ACBD6: variants seen among roughly 807,000 people sequenced by gnomAD.
ACBD6 encodes the protein acyl-CoA-binding domain-containing protein 6.
ACBD6 carries 28 observed loss-of-function variants against 37.2 expected under a neutral mutation model. That is an observed-to-expected ratio of 0.75 (90% CI 0.56 to 1.03). The LOEUF is 1.03. ACBD6 is among the 50% of genes least tolerant of loss of function. The pLI is 0.00. For synonymous variants in ACBD6, 113 were observed against 126.8 expected (o/e 0.89, Z 0.73); for missense variants, 340 against 337.4 (o/e 1.01, Z -0.06).
chr1:180,441,052 T>A (rs1215162790), intron 3 of ACBD6, among the ~76,000 whole-genome samples: 1 of 152,186 alleles, frequency 6.6e-6, no homozygotes, highest in Non-Finnish European at 1.5e-5. Context: ...ACCCAGCAAT[T>A]CCACTCCTGT....
exon 14 of ACBD6, chr1:180,271,601 G>C: frequency 1.3e-6 from 2 of 1,585,326 alleles, no homozygotes; most frequent in Non-Finnish European, 1.7e-6. Context: ...AAGGTATCCT[G>C]AGTGACATCA....
At position 180,382,925 on chromosome 1, in the gene ACBD6, A is replaced by C. The variant is rs531420464; in HGVS notation, c.663+14591T>G. ...ATTAATAAATGTGATACATCACATCAATAAAATGAAGGACAAAAACCATAC... is the reference window on the plus strand; with the variant it reads ...ATTAATAAATGTGATACATCACATCCATAAAATGAAGGACAAAAACCATAC... On this transcript the variant is annotated intron_variant, in intron 6 of 7. Coordinates refer to ENST00000367595, the MANE Select transcript of ACBD6 (RefSeq NM_032360.4). Among the ~76,000 whole-genome samples the C allele has an allele frequency of 2.0e-5, 3 of 152,376 alleles. No homozygotes were observed. In the South Asian group the frequency reaches 6.2e-4, roughly 32 times the overall value.
chr1:180,465,026 T>G (rs1233912815), intron 3 of ACBD6, among the ~76,000 whole-genome samples: 1 of 152,008 alleles, frequency 6.6e-6, no homozygotes, highest in Non-Finnish European at 1.5e-5. Context: ...TACACAAAAA[T>G]CAATTCAAGA....
chr1:180,453,527 G>A (rs1384007593), intron 3 of ACBD6, among the ~76,000 whole-genome samples: 53 of 152,176 alleles, frequency 3.5e-4, no homozygotes, highest in African/African-American at 2.4e-5. Flanking sequence ...ATTCAACATA[G>A]TAGTGGAAGT....
intron 3 of ACBD6, among the ~76,000 whole-genome samples, chr1:180,438,833 A>G (rs1417768105): frequency 6.6e-6 from 1 of 152,170 alleles, no homozygotes; most frequent in Non-Finnish European, 1.5e-5. Context: ...TGACAAACAT[A>G]TAATGACATG....
chr1:180,502,016 C>A lies in ACBD6; in HGVS notation c.222+29G>T. Reference sequence around the variant, plus strand: ...AGGAAGAAGGCTCCGTGTCTTTCTCCCCCATCCACCCTCTCCCTGCTACTT... The same window carrying A: ...AGGAAGAAGGCTCCGTGTCTTTCTCACCCATCCACCCTCTCCCTGCTACTT... On this transcript the variant is annotated intron_variant, in intron 1 of 7. Coordinates refer to ENST00000367595, the MANE Select transcript of ACBD6 (RefSeq NM_032360.4). 3 of 1,607,556 alleles carry A rather than the reference C, an allele frequency of 1.9e-6. No individual in the cohort carries two copies. In the South Asian group the frequency reaches 3.3e-5, roughly 18 times the overall value.
intron 6 of ACBD6, among the ~76,000 whole-genome samples, chr1:180,334,381 C>T (rs368097536): frequency 1.2e-4 from 19 of 152,188 alleles, no homozygotes; most frequent in African/African-American, 3.9e-4. Context: ...CTGCAGCCGC[C>T]GCTGCTGATA....
downstream of ACBD6, chr1:180,288,221 A>G: frequency 8.5e-7 from 1 of 1,172,480 alleles, no homozygotes; most frequent in Non-Finnish European, 1.2e-6. Context: ...AATTGCTGAG[A>G]CTTCAAAATC....
At chr1:180,277,704 A>AG (rs1346362975) in intron 9 of ACBD6, 1 of 152,218 alleles carries the variant, frequency 6.6e-6, no homozygotes, top group African/African-American at 2.4e-5. Context: ...AATTCCTCTC[A>AG]GTCTTTGTGC....
At chr1:180,386,561 A>C (rs941672932) in intron 6 of ACBD6, among the ~76,000 whole-genome samples, 1 of 152,140 alleles carries the variant, frequency 6.6e-6, no homozygotes, top group Non-Finnish European at 1.5e-5. Context: ...ATGACAAAAA[A>C]AGTTAGATCT....
intron 6 of ACBD6, among the ~76,000 whole-genome samples, chr1:180,320,540 G>C (rs1231949901): frequency 1.3e-5 from 2 of 152,184 alleles, no homozygotes; most frequent in Non-Finnish European, 2.9e-5. Context: ...CTGGGAGGCT[G>C]AGGTTGGAGA....
intron 2 of ACBD6, among the ~76,000 whole-genome samples, chr1:180,493,247 C>CAAAAAAAAAAAAAAAAAAAAAA (rs71121023): frequency 4.2e-5 from 2 of 47,810 alleles, no homozygotes; most frequent in East Asian, 2.1e-3. Flanking sequence ...AATTCTGTCT[C>CAAAAAAAAAAAAAAAAAAAAAA]AAAAAAAAAA....
chr1:180,345,008 C>G (rs1474886988), intron 6 of ACBD6, among the ~76,000 whole-genome samples: 2 of 152,182 alleles, frequency 1.3e-5, no homozygotes, highest in Non-Finnish European at 2.9e-5. Context: ...ATACACTCTT[C>G]TTTACCTCTG....
At chr1:180,401,443 T>C (rs1289592401) in intron 5 of ACBD6, among the ~76,000 whole-genome samples, 1 of 152,130 alleles carries the variant, frequency 6.6e-6, no homozygotes, top group Non-Finnish European at 1.5e-5. Context: ...TGTAGAATTT[T>C]TTTTTAATTA....
chr1:180,302,325 A>G (rs1223329247), intron 7 of ACBD6, among the ~76,000 whole-genome samples: 1 of 151,664 alleles, frequency 6.6e-6, no homozygotes. Flanking sequence ...GTTTTTTTCA[A>G]GTTGTCAGGA....
intron 3 of ACBD6, chr1:180,434,736 AGTAAAACTACCTCAACAG>A (rs775609450): frequency 8.9e-4 from 487 of 549,312 alleles, no homozygotes; most frequent in Non-Finnish European, 1.4e-3. Flanking sequence ...CTAGGAATAG[AGTAAAACTACCTCAACAG>A]GCCATAGCCG....
chr1:180,275,641 G>T (rs1368206216), intron 9 of ACBD6: 1 of 152,202 alleles, frequency 6.6e-6, no homozygotes, highest in Non-Finnish European at 1.5e-5. Flanking sequence ...GACTCAATTG[G>T]AGGACAGTTT....
intron 6 of ACBD6, among the ~76,000 whole-genome samples, chr1:180,347,271 C>G (rs1248541972): frequency 6.6e-6 from 1 of 151,320 alleles, no homozygotes; most frequent in Admixed American, 6.6e-5. Context: ...AACAATAAAA[C>G]TGTTTGCTTC....
chr1:180,392,424 C>A (rs1654111576), intron 6 of ACBD6, among the ~76,000 whole-genome samples: 1 of 152,038 alleles, frequency 6.6e-6, no homozygotes, highest in South Asian at 2.1e-4. Flanking sequence ...AAAATATATA[C>A]ATGTAAGTAG....
Sources: allele counts gnomAD v4.1 joint callset (sites outside exome capture counted in the v4.1 genomes callset), GRCh38; gene constraint gnomAD v4.1.1; transcripts MANE v1.5; gene names NCBI Gene and HGNC (gene_info 2026-07-23, HGNC 2026-07-21).